Variants in GALNT18 observed in about 807,000 individuals in gnomAD.
GALNT18 encodes polypeptide N-acetylgalactosaminyltransferase 18.
GALNT18 carries 44 observed loss-of-function variants against 69.5 expected under a neutral mutation model. The observed-to-expected ratio is 0.63, with a 90% CI of 0.50 to 0.81. The LOEUF (loss-of-function observed/expected upper bound fraction) is 0.81. GALNT18 is among the 40% of genes least tolerant of loss of function. GALNT18 has a pLI of 0.00. For missense variants in GALNT18, 715 were observed against 810.0 expected (o/e 0.88, Z 1.42); for synonymous variants, 364 against 318.2 (o/e 1.14, Z -1.53).
chr11:11,348,093 G>A (rs1850333980), intron 6 of GALNT18, among the ~76,000 whole-genome samples: 1 of 152,102 alleles, frequency 6.6e-6, no homozygotes, highest in Admixed American at 6.5e-5. Flanking sequence ...AAAGAGAAGA[G>A]AGGGCCGGGC....
chr11:11,344,120 CCAT>C (rs1432973878), intron 6 of GALNT18, among the ~76,000 whole-genome samples: 23 of 152,234 alleles, frequency 1.5e-4, no homozygotes, highest in Non-Finnish European at 1.5e-4. Context: ...CTCTCCTGCA[CCAT>C]GCCCCTGGCA....
chr11:11,330,227 G>A (rs1164759787), intron 8 of GALNT18, among the ~76,000 whole-genome samples: 3 of 152,154 alleles, frequency 2.0e-5, no homozygotes, highest in Non-Finnish European at 2.9e-5. Flanking sequence ...AGTCCCAGAA[G>A]TCATTTGTCC....
chr11:11,302,961 G>A (rs1849523121), intron 9 of GALNT18, among the ~76,000 whole-genome samples: 1 of 152,194 alleles, frequency 6.6e-6, no homozygotes, highest in Admixed American at 6.5e-5. Flanking sequence ...AGCCTCTCCT[G>A]GATATAGGAC....
chr11:11,519,165 A>G, intron 1 of GALNT18, among the ~76,000 whole-genome samples: 1 of 152,226 alleles, frequency 6.6e-6, no homozygotes, highest in Non-Finnish European at 1.5e-5. Context: ...CCATAAGCCC[A>G]GGGGATGCAT....
At position 11,555,030 on chromosome 11, in the gene GALNT18, C is replaced by T. The variant is rs1178222198; in HGVS notation, c.235+66329G>A. ...TCCTTGCACTTTGAGATTGTGGTCT[C>T]ACTAAATCTTACCAACAACCCAATA... On this transcript the variant is annotated intron_variant, in intron 1 of 10. Coordinates refer to ENST00000227756, the MANE Select transcript of GALNT18 (RefSeq NM_198516.3). The surrounding 1 kb of genome is among the most constrained non-coding windows in gnomAD (Gnocchi z 4.7). Among the ~76,000 whole-genome samples the T allele has an allele frequency of 6.6e-6, 1 of 152,206 alleles. No individual in the cohort carries two copies. The highest frequency in any genetic ancestry group is 1.5e-5 in the Non-Finnish European group (1 of 68,008).
intron 3 of GALNT18, among the ~76,000 whole-genome samples, chr11:11,427,089 T>C (rs1855149217): frequency 6.6e-6 from 1 of 152,188 alleles, no homozygotes; most frequent in South Asian, 2.1e-4. Context: ...CAAATGTCCA[T>C]ATTTTTAACC....
At position 11,619,694 on chromosome 11, in the gene GALNT18, A is replaced by G. The variant is rs1357293545; in HGVS notation, c.235+1665T>C. ...GGCATGGCTTTGTGTCTCCTGGGGA[A>G]CATTCTGAATCACCCTGGGGGAAAC... On this transcript the variant is annotated intron_variant, in intron 1 of 10. Coordinates refer to ENST00000227756, the MANE Select transcript of GALNT18 (RefSeq NM_198516.3). The surrounding 1 kb of genome is among the most constrained non-coding windows in gnomAD (Gnocchi z 4.9). Among the ~76,000 whole-genome samples, 2 of 152,208 alleles carry G rather than the reference A, an allele frequency of 1.3e-5. No individual in the cohort carries two copies. The highest frequency in any genetic ancestry group is 2.9e-5 in the Non-Finnish European group (2 of 68,022).
rs745981796 is a variant in GALNT18, at chr11:11,618,178, C to T, written c.235+3181G>A. Among the ~76,000 whole-genome samples the T allele has an allele frequency of 6.6e-6, 1 of 152,204 alleles. No homozygotes were observed. The highest frequency in any genetic ancestry group is 2.4e-5 in the African/African-American group (1 of 41,452). The stretch of plus-strand genomic sequence containing the variant: ...TCTAATTGCAAGTCCTATGGAACAT[C>T]CTGCAGAACATTTTGTGACATTTGC... On this transcript the variant is annotated intron_variant, in intron 1 of 10. Coordinates refer to ENST00000227756, the MANE Select transcript of GALNT18 (RefSeq NM_198516.3). The surrounding 1 kb of genome is among the most constrained non-coding windows in gnomAD (Gnocchi z 6.1).
chr11:11,381,146 T>A (rs1853907084), intron 3 of GALNT18, among the ~76,000 whole-genome samples: 1 of 152,258 alleles, frequency 6.6e-6, no homozygotes, highest in Non-Finnish European at 1.5e-5. Flanking sequence ...TAACTCAATA[T>A]GTCTCACACT....
intron 9 of GALNT18, among the ~76,000 whole-genome samples, chr11:11,308,967 C>T (rs1483465303): frequency 1.3e-5 from 2 of 152,226 alleles, no homozygotes; most frequent in Non-Finnish European, 2.9e-5. Context: ...CATTGCCCTA[C>T]TTTTGCCCAA....
Position 11,314,214 on chromosome 11 carries a change from G to A in GALNT18, c.1512+12872C>T, listed in dbSNP as rs74619892. 4.8e-3 allele frequency among the ~76,000 whole-genome samples: 735 copies of A among 152,296 alleles called. 6 individuals are homozygous for A. The highest frequency in any genetic ancestry group is 0.017 in the African/African-American group (703 of 41,572). On this transcript the variant is annotated intron_variant, in intron 9 of 10. Coordinates refer to ENST00000227756, the MANE Select transcript of GALNT18 (RefSeq NM_198516.3). This position sits in a 1 kb window ranked among gnomAD's most constrained non-coding sequence, Gnocchi z 5.2. ...AAGAGACTCAGCCCCTCTCTGGTTA[G>A]TGAGTCTGAACATTGGTCCACTGTG...
chr11:11,325,990 C>T (rs1240727857), intron 9 of GALNT18, among the ~76,000 whole-genome samples: 1 of 151,782 alleles, frequency 6.6e-6, no homozygotes, highest in Non-Finnish European at 1.5e-5. Context: ...CTCTTTTAAA[C>T]CCTCTTTTAA....
At chr11:11,507,977 T>A (rs1175586552) in intron 1 of GALNT18, among the ~76,000 whole-genome samples, 1 of 152,246 alleles carries the variant, frequency 6.6e-6, no homozygotes, top group East Asian at 1.9e-4. Flanking sequence ...AAGGCTGCAC[T>A]GTTAGCTTCT....
At chr11:11,501,172 T>A (rs904807669) in intron 1 of GALNT18, among the ~76,000 whole-genome samples, 2 of 152,264 alleles carry the variant, frequency 1.3e-5, no homozygotes, top group African/African-American at 4.8e-5. Flanking sequence ...AAAGTCAGAA[T>A]TCATTTATTC....
intron 10 of GALNT18, among the ~76,000 whole-genome samples, chr11:11,272,120 T>G (rs1380304349): frequency 1.3e-5 from 2 of 152,192 alleles, no homozygotes; most frequent in African/African-American, 4.8e-5. Flanking sequence ...TTGGACCCCT[T>G]GTAGCTTAAT....
chr11:11,471,943 A>T (rs1176961243), intron 1 of GALNT18, among the ~76,000 whole-genome samples: 1 of 152,218 alleles, frequency 6.6e-6, no homozygotes, highest in African/African-American at 2.4e-5. Flanking sequence ...CCTGGCGAAG[A>T]GCTGGTCAGA....
intron 9 of GALNT18, among the ~76,000 whole-genome samples, chr11:11,305,569 GC>G (rs1849564077): frequency 6.6e-6 from 1 of 152,126 alleles, no homozygotes; most frequent in Non-Finnish European, 1.5e-5. Flanking sequence ...TCAAGTCTCT[GC>G]CCCCACTACC....
chr11:11,553,551 G>A (rs1318677572), intron 1 of GALNT18, among the ~76,000 whole-genome samples: 2 of 143,640 alleles, frequency 1.4e-5, no homozygotes, highest in Non-Finnish European at 3.2e-5. Flanking sequence ...CTGCCTCCAT[G>A]GAGGGGAGAG....
chr11:11,301,816 C>T (rs1450585733), intron 9 of GALNT18, among the ~76,000 whole-genome samples: 1 of 152,266 alleles, frequency 6.6e-6, no homozygotes, highest in Non-Finnish European at 1.5e-5. Context: ...GCGGGAGCCC[C>T]TCCCTCAGGG....
Sources: gnomAD v4.1 joint callset for allele counts (sites outside exome capture counted in the v4.1 genomes callset) on GRCh38, gnomAD v4.1.1 for gene constraint, Gnocchi (gnomAD v3.1) non-coding constraint, MANE v1.5 for transcripts, NCBI Gene and HGNC (gene_info 2026-07-23, HGNC 2026-07-21) for gene names.